The following EPHA4 variants were observed in gnomAD, a reference collection of about 807,000 sequenced individuals.
The protein encoded by EPHA4 is ephrin type-A receptor 4.
In EPHA4, 19 loss-of-function variants were observed where a neutral mutation model predicts 108.3. That is an observed-to-expected ratio of 0.18 (90% CI 0.12 to 0.26). The LOEUF (loss-of-function observed/expected upper bound fraction) is 0.26. Ranked by LOEUF, EPHA4 falls within the 10% of genes least tolerant of loss-of-function variation. The pLI, the probability that EPHA4 is intolerant of heterozygous loss-of-function variation, is 1.00. For missense variants in EPHA4, 917 were observed against 1,254.0 expected (o/e 0.73, Z 4.06); for synonymous variants, 449 against 455.5 (o/e 0.99, Z 0.18).
intron 11 of EPHA4, among the ~76,000 whole-genome samples, chr2:221,437,944 A>AG (rs768522689): frequency 6.6e-6 from 1 of 151,588 alleles, no homozygotes; most frequent in Non-Finnish European, 1.5e-5. Flanking sequence ...AAACAAAAAA[A>AG]CAAGCATGCG....
chr2:221,513,744 A>G (rs1364702384), intron 3 of EPHA4, among the ~76,000 whole-genome samples: 1 of 152,222 alleles, frequency 6.6e-6, no homozygotes, highest in Non-Finnish European at 1.5e-5. Flanking sequence ...CAGGTTAAAC[A>G]TCTATTTTTG....
chr2:221,517,923 C>A (rs886939091), intron 3 of EPHA4, among the ~76,000 whole-genome samples: 1 of 152,166 alleles, frequency 6.6e-6, no homozygotes, highest in African/African-American at 2.4e-5. Context: ...GAGGGGCCAG[C>A]TTCCTGAGCG....
chr2:221,519,778 AAG>A, intron 3 of EPHA4, among the ~76,000 whole-genome samples: 1 of 152,216 alleles, frequency 6.6e-6, no homozygotes, highest in Admixed American at 6.5e-5. Context: ...TTTAGAAACA[AAG>A]AACATTAAAA....
rs556755695 is a variant in EPHA4, at chr2:221,449,182, T to C, written c.1716-3001A>G. On this transcript the variant is annotated intron_variant, in intron 8 of 17. Coordinates refer to ENST00000281821, the MANE Select transcript of EPHA4 (RefSeq NM_004438.5). ...GGCTAATAGTAGTCTGTTTGCTTTT[T>C]AGAAATACCTGGAAAACAAAAATGC... is the stretch of plus-strand genomic sequence containing the variant. 2.6e-5 allele frequency among the ~76,000 whole-genome samples: 4 copies of C among 152,330 alleles called. No individual in the cohort carries two copies. In the South Asian group the frequency reaches 8.3e-4, roughly 32 times the overall value.
At chr2:221,536,792 C>T (rs1440059355) in intron 3 of EPHA4, among the ~76,000 whole-genome samples, 3 of 152,330 alleles carry the variant, frequency 2.0e-5, no homozygotes, top group Non-Finnish European at 4.4e-5. Context: ...AGGTTGAATC[C>T]AGACTCCTCA....
chr2:221,531,982 C>T (rs1340074452), intron 3 of EPHA4, among the ~76,000 whole-genome samples: 4 of 152,152 alleles, frequency 2.6e-5, no homozygotes, highest in African/African-American at 9.7e-5. Context: ...CCTGCAGCCC[C>T]ATCACTGACC....
intron 8 of EPHA4, 87 bp from the exon 9 acceptor site, chr2:221,446,268 TA>T: frequency 1.4e-6 from 1 of 733,378 alleles, no homozygotes; most frequent in Non-Finnish European, 2.0e-6. Flanking sequence ...TTTGCTACTG[TA>T]AGTCAGGCAG....
intron 3 of EPHA4, 138 bp downstream of exon 3, chr2:221,563,593 A>C: frequency 1.1e-6 from 1 of 920,552 alleles, no homozygotes; most frequent in Non-Finnish European, 1.6e-6. Flanking sequence ...GAGCTATAGC[A>C]CTTACTCATT....
Position 221,519,281 on chromosome 2 carries a change from A to G in EPHA4, c.824-18109T>C, listed in dbSNP as rs532810412. ...AAAACATCGTCTATAGGAAATCTGA[A>G]AATATAGGGTCTTATGGCCACAAAG... On this transcript the variant is annotated intron_variant, in intron 3 of 17. Coordinates refer to ENST00000281821, the MANE Select transcript of EPHA4 (RefSeq NM_004438.5). 2.0e-5 allele frequency among the ~76,000 whole-genome samples: 3 copies of G among 152,264 alleles called. No individual in the cohort carries two copies. The South Asian group carries it at 6.2e-4, about 32-fold the overall frequency.
chr2:221,451,307 C>T (rs1253678259), intron 8 of EPHA4, among the ~76,000 whole-genome samples: 2 of 152,000 alleles, frequency 1.3e-5, no homozygotes, highest in East Asian at 3.9e-4. Context: ...TTGGAGATAA[C>T]CTGATGAAAT....
chr2:221,430,418 G>A (rs893072376), intron 14 of EPHA4, among the ~76,000 whole-genome samples: 1 of 152,186 alleles, frequency 6.6e-6, no homozygotes, highest in Non-Finnish European at 1.5e-5. Flanking sequence ...CCACAATGTG[G>A]TGTCAGTTTT....
In EPHA4 at chr2:221,571,261, C is replaced by CAA. The variant is rs1694828683; in HGVS notation, c.91+896_91+897insTT. Among the ~76,000 whole-genome samples the CAA allele has an allele frequency of 6.7e-6, 1 of 150,286 alleles. No individual in the cohort carries two copies. Among genetic ancestry groups the CAA allele is most frequent in the South Asian group, 2.1e-4 (1 of 4,780 alleles). ...TGCACACACACACCACACATACACA[C>CAA]ACACACACACACAGTTCGCCTCTCC... On this transcript the variant is annotated intron_variant, in intron 1 of 17. Coordinates refer to ENST00000281821, the MANE Select transcript of EPHA4 (RefSeq NM_004438.5). The surrounding 1 kb of genome is among the most constrained non-coding windows in gnomAD (Gnocchi z 6.3).
chr2:221,518,651 A>G (rs1473309169), intron 3 of EPHA4, among the ~76,000 whole-genome samples: 1 of 152,328 alleles, frequency 6.6e-6, no homozygotes, highest in South Asian at 2.1e-4. Context: ...CTGTACGAAG[A>G]TCATTTCAGA....
At chr2:221,522,433 C>T (rs941554089) in intron 3 of EPHA4, among the ~76,000 whole-genome samples, 1 of 152,200 alleles carries the variant, frequency 6.6e-6, no homozygotes, top group Non-Finnish European at 1.5e-5. Context: ...TTAATCAAAA[C>T]TTAGCTAAAA....
In EPHA4 at chr2:221,430,098, G is replaced by T; in HGVS notation, c.2550C>A (p.Pro850=). The change falls in exon 15 of 18, where the codon CCC becomes CCA. Residue 850 remains proline (P), a synonymous_variant. Transcript: ENST00000281821. ...CTAGCATCAGCTGGTGGAGCGCAATGGGGCAGTCCATTGGAGGGGGTAACC... is the reference window on the plus strand; with the variant it reads ...CTAGCATCAGCTGGTGGAGCGCAATTGGGCAGTCCATTGGAGGGGGTAACC... The part of the protein sequence containing the change: ...GYRLPPPMDC[P]IALHQLMLDC... The T allele has an allele frequency of 1.2e-6, 2 of 1,613,406 alleles. No individual in the cohort carries two copies. Among genetic ancestry groups the T allele is most frequent in the Non-Finnish European group, 1.7e-6 (2 of 1,179,916 alleles).
intron 15 of EPHA4, among the ~76,000 whole-genome samples, chr2:221,429,627 G>A (rs1488018988): frequency 6.6e-6 from 1 of 152,078 alleles, no homozygotes; most frequent in Non-Finnish European, 1.5e-5. Flanking sequence ...AGCACCTACT[G>A]ATCTGAACGT....
chr2:221,455,420 G>T, intron 8 of EPHA4, 127 bp downstream of exon 8: 1 of 704,514 alleles, frequency 1.4e-6, no homozygotes. Flanking sequence ...CAACAAGGAG[G>T]AAACTTGGGA....
At chr2:221,455,233 T>C (rs1690907612) in intron 8 of EPHA4, among the ~76,000 whole-genome samples, 1 of 152,174 alleles carries the variant, frequency 6.6e-6, no homozygotes. Context: ...CCTTTGGCAG[T>C]GAGTCCAGGC....
Position 221,425,954 on chromosome 2 carries a change from A to C in EPHA4, c.*74T>G. The stretch of plus-strand genomic sequence containing the variant: ...CAGAGGGCGAAGACGAAGTAAAAAA[A>C]GTGCAGTTCTTCAATTAAAGTGCAT... On this transcript the variant is annotated 3_prime_UTR_variant, in exon 17 of 18. Transcript: ENST00000281821. 2.5e-6 allele frequency: 3 copies of C among 1,223,480 alleles called. No homozygotes were observed. The highest frequency in any genetic ancestry group is 1.2e-6 in the Non-Finnish European group (1 of 836,108). 75.8% of individuals were successfully genotyped at this position (1,223,480 alleles called of 1,614,324 possible).
Sources: gnomAD v4.1 joint callset for allele counts (sites outside exome capture counted in the v4.1 genomes callset) on GRCh38, gnomAD v4.1.1 for gene constraint, Gnocchi (gnomAD v3.1) non-coding constraint, MANE v1.5 for transcripts, NCBI Gene and HGNC (gene_info 2026-07-23, HGNC 2026-07-21) for gene names.